Variants in ADGRB3 observed in about 807,000 individuals in gnomAD.
ADGRB3 encodes the protein brain-specific angiogenesis inhibitor 3.
Under a neutral mutation model 193.4 loss-of-function variants are expected in ADGRB3, and 37 were observed. The observed-to-expected ratio is 0.19, with a 90% CI of 0.15 to 0.25. The LOEUF (loss-of-function observed/expected upper bound fraction) is 0.25, where lower values mean the gene tolerates loss of function less well. Among genes scored for constraint, ADGRB3 ranks in the 10% least tolerant of loss-of-function variants. The pLI is 1.00. For synonymous variants in ADGRB3, 690 were observed against 644.2 expected (o/e 1.07, Z -1.08); for missense variants, 1,637 against 1,852.9 (o/e 0.88, Z 2.14).
chr6:68,771,207 A>T (rs1766610536), intron 3 of ADGRB3, among the ~76,000 whole-genome samples: 1 of 151,976 alleles, frequency 6.6e-6, no homozygotes, highest in Non-Finnish European at 1.5e-5. Flanking sequence ...AAATTTGGGG[A>T]CTACAAAAAC....
chr6:69,216,931 C>T lies in ADGRB3; in HGVS notation c.2481-16359C>T, dbSNP rs370600671. ...AGGGCACAGAGCTGCCCACACAACTCTCACTCCTGAATGCTGTCCTACCTG... is the reference window on the plus strand; with the variant it reads ...AGGGCACAGAGCTGCCCACACAACTTTCACTCCTGAATGCTGTCCTACCTG... On this transcript the variant is annotated intron_variant, in intron 17 of 31. Transcript: ENST00000370598. Among the ~76,000 whole-genome samples, 3 of 152,198 alleles carry T rather than the reference C, an allele frequency of 2.0e-5. No individual in the cohort carries two copies. In the South Asian group the frequency reaches 6.2e-4, roughly 31 times the overall value.
At chr6:68,827,667 G>A (rs577046336) in intron 3 of ADGRB3, among the ~76,000 whole-genome samples, 2 of 151,698 alleles carry the variant, frequency 1.3e-5, no homozygotes, top group East Asian at 1.9e-4. Context: ...GGTTTTTTTT[G>A]GGGGGGAGGG....
Position 69,360,976 on chromosome 6 carries a change from C to A in ADGRB3, c.3703C>A (p.Leu1235Ile). Residue 1235 changes from leucine (L) to isoleucine (I), a missense_variant, in exon 29 of 32, where the codon CTA becomes ATA. Leu to Ile is a conservative substitution (Grantham distance 5). Around this residue, in one of 7 missense-constraint regions of ADGRB3, gnomAD observed 368 missense variants for 367.4 expected, o/e 1.00. Transcript: ENST00000370598. Reference protein sequence around the residue: ...EEEKGTNPEGLSYSTLPGNVI... With the variant: ...EEEKGTNPEGISYSTLPGNVI... ...AGAAAAGGGAACAAACCCTGAAGGG[C>A]TAAGCTATTCAACATTGCCTGGAAA... 1 of 1,612,764 alleles carries A rather than the reference C, an allele frequency of 6.2e-7. No individual in the cohort carries two copies. Among genetic ancestry groups the A allele is most frequent in the Non-Finnish European group, 8.5e-7 (1 of 1,179,188 alleles).
chr6:69,004,174 G>A (rs191522712), intron 11 of ADGRB3, among the ~76,000 whole-genome samples: 1 of 152,152 alleles, frequency 6.6e-6, no homozygotes, highest in Admixed American at 6.5e-5. Flanking sequence ...GTTTATTAGG[G>A]CTACCATAAC....
At chr6:68,959,697 A>G (rs948586426) in intron 8 of ADGRB3, among the ~76,000 whole-genome samples, 3 of 152,150 alleles carry the variant, frequency 2.0e-5, no homozygotes, top group African/African-American at 7.2e-5. Context: ...AAAAGTATTA[A>G]AAGTGTCATC....
chr6:69,246,857 A>G (rs915757957), intron 20 of ADGRB3, among the ~76,000 whole-genome samples: 3 of 152,220 alleles, frequency 2.0e-5, no homozygotes, highest in Admixed American at 6.5e-5. Flanking sequence ...CTCACTCAAC[A>G]GGGAAGAAGC....
chr6:68,825,862 C>A (rs1767833901), intron 3 of ADGRB3, among the ~76,000 whole-genome samples: 2 of 152,122 alleles, frequency 1.3e-5, no homozygotes, highest in African/African-American at 2.4e-5. Context: ...TCAATTAAAC[C>A]TTTTTCCTTT....
At chr6:68,758,198 T>G (rs1354161710) in intron 3 of ADGRB3, among the ~76,000 whole-genome samples, 1 of 152,090 alleles carries the variant, frequency 6.6e-6, no homozygotes, top group Non-Finnish European at 1.5e-5. Context: ...ATATTAATGT[T>G]TAACACATTT....
At chr6:68,649,085 GTCTT>G (rs1768285837) in intron 3 of ADGRB3, among the ~76,000 whole-genome samples, 2 of 152,128 alleles carry the variant, frequency 1.3e-5, no homozygotes, top group African/African-American at 4.8e-5. Flanking sequence ...AAAAATCATG[GTCTT>G]TCTTTTTAAA....
intron 3 of ADGRB3, among the ~76,000 whole-genome samples, chr6:68,781,242 G>A (rs761375209): frequency 6.6e-6 from 1 of 152,044 alleles, no homozygotes; most frequent in African/African-American, 2.4e-5. Context: ...TAAAATTTCT[G>A]CTATGCCAAA....
At chr6:69,103,335 C>T (rs1270186778) in intron 17 of ADGRB3, among the ~76,000 whole-genome samples, 1 of 152,096 alleles carries the variant, frequency 6.6e-6, no homozygotes, top group Admixed American at 6.6e-5. Context: ...AAGAGAAGCT[C>T]ATTTTCATCA....
rs58586306 is a variant in ADGRB3, at chr6:69,210,149, C to CATATATATATAT, written c.2481-23131_2481-23120dup. On this transcript the variant is annotated intron_variant, in intron 17 of 31. Transcript: ENST00000370598. The stretch of plus-strand genomic sequence containing the variant: ...ATATATATCATATATTAATATATAT[C>CATATATATATAT]ATATATATATATATATATATAAAGG... 7.4e-3 allele frequency among the ~76,000 whole-genome samples: 585 copies of CATATATATATAT among 78,894 alleles called. 62 individuals are homozygous for CATATATATATAT. Among genetic ancestry groups the CATATATATATAT allele is most frequent in the Middle Eastern group, 0.039 (5 of 128 alleles). The allele number at this position is 78,894 out of a possible 152,430, so 51.8% of individuals were successfully genotyped here.
chr6:68,714,867 C>A (rs1199376007), intron 3 of ADGRB3, among the ~76,000 whole-genome samples: 2 of 151,582 alleles, frequency 1.3e-5, no homozygotes, highest in Non-Finnish European at 1.5e-5. Flanking sequence ...GAATTAAGTT[C>A]TCTGAGATTA....
chr6:68,715,093 T>C (rs1319366181), intron 3 of ADGRB3, among the ~76,000 whole-genome samples: 1 of 151,830 alleles, frequency 6.6e-6, no homozygotes, highest in Admixed American at 6.6e-5. Context: ...TGAAACTATT[T>C]CTTTCATGGC....
chr6:68,907,640 A>G (rs1269252060), intron 3 of ADGRB3, among the ~76,000 whole-genome samples: 2 of 151,908 alleles, frequency 1.3e-5, no homozygotes, highest in African/African-American at 2.4e-5. Flanking sequence ...TCTCTCAATG[A>G]TTTCCCAATG....
chr6:69,115,470 T>C (rs534344271), intron 17 of ADGRB3, among the ~76,000 whole-genome samples: 1 of 152,194 alleles, frequency 6.6e-6, no homozygotes, highest in East Asian at 1.9e-4. Flanking sequence ...AGGGGAGGGA[T>C]AGCATTAAGA....
chr6:68,790,411 G>A (rs974692466), intron 3 of ADGRB3, among the ~76,000 whole-genome samples: 2 of 152,208 alleles, frequency 1.3e-5, no homozygotes, highest in African/African-American at 4.8e-5. Flanking sequence ...AGACTTAAAT[G>A]TCCCTCTCTG....
intron 17 of ADGRB3, among the ~76,000 whole-genome samples, chr6:69,200,705 T>C (rs1001561443): frequency 6.6e-6 from 1 of 152,104 alleles, no homozygotes; most frequent in African/African-American, 2.4e-5. Context: ...CTCACATGGC[T>C]TTCACAAGTG....
At chr6:69,259,113 A>G (rs1458672108) in intron 20 of ADGRB3, among the ~76,000 whole-genome samples, 1 of 152,186 alleles carries the variant, frequency 6.6e-6, no homozygotes, top group African/African-American at 2.4e-5. Context: ...AGAAAAGCAC[A>G]TGATATTAAA....
Sources: gnomAD v4.1 joint callset for allele counts (sites outside exome capture counted in the v4.1 genomes callset) on GRCh38, gnomAD v4.1.1 for gene constraint, gnomAD v4.1.1 regional missense constraint, MANE v1.5 for transcripts, NCBI Gene and HGNC (gene_info 2026-07-23, HGNC 2026-07-21) for gene names.